The following CCDC171 variants were observed in gnomAD, a reference collection of about 807,000 sequenced individuals.
The protein encoded by CCDC171 is coiled-coil domain containing 171, also known as coiled-coil domain-containing protein 171.
Under a neutral mutation model 168.2 loss-of-function variants are expected in CCDC171, and 177 were observed. The observed-to-expected ratio is 1.05, with a 90% CI of 0.93 to 1.19. The LOEUF (loss-of-function observed/expected upper bound fraction) is 1.19. CCDC171 is among the 50% of genes most tolerant of loss of function. The pLI, the probability that CCDC171 is intolerant of heterozygous loss-of-function variation, is 0.00. For synonymous variants in CCDC171, 687 were observed against 540.8 expected, an observed-to-expected ratio of 1.27 and a Z score of -3.75; for missense variants, 1,991 against 1,539.0, an observed-to-expected ratio of 1.29 and a Z score of -4.91.
intron 10 of CCDC171, among the ~76,000 whole-genome samples, chr9:15,691,541 GTTTTTTATATATATATATATAT>G (rs1360634879): frequency 1.7e-4 from 19 of 114,836 alleles, no homozygotes; most frequent in Non-Finnish European, 2.2e-4. Flanking sequence ...GTAAATATAT[GTTTTTTATATATATATATATAT>G]ATATATATGT....
intron 3 of CCDC171, among the ~76,000 whole-genome samples, chr9:16,010,942 C>T (rs960807530): frequency 4.6e-5 from 7 of 152,046 alleles, no homozygotes; most frequent in Admixed American, 2.0e-4. Flanking sequence ...GAGCCTGATT[C>T]GCTCCTGAGT....
chr9:15,667,563 C>G (rs924824192), intron 9 of CCDC171, among the ~76,000 whole-genome samples: 2 of 152,014 alleles, frequency 1.3e-5, no homozygotes, highest in African/African-American at 4.8e-5. Flanking sequence ...GAAGAATCAC[C>G]TGAACCCGGG....
chr9:15,928,051 A>T (rs1260511724), intron 25 of CCDC171, among the ~76,000 whole-genome samples: 1 of 151,626 alleles, frequency 6.6e-6, no homozygotes, highest in African/African-American at 2.4e-5. Context: ...CTGGAGTTCA[A>T]CTCCCTGGCT....
intron 7 of CCDC171, among the ~76,000 whole-genome samples, chr9:15,632,470 T>C (rs1377265191): frequency 6.6e-6 from 1 of 152,056 alleles, no homozygotes; most frequent in African/African-American, 2.4e-5. Context: ...ACAAGGGATG[T>C]GAAGGACCTC....
intron 21 of CCDC171, among the ~76,000 whole-genome samples, chr9:15,809,337 A>G (rs1357911018): frequency 6.6e-6 from 1 of 152,236 alleles, no homozygotes; most frequent in Admixed American, 6.5e-5. Flanking sequence ...TGAAATTTAA[A>G]TTAAAATGAA....
intron 9 of CCDC171, among the ~76,000 whole-genome samples, chr9:15,674,675 T>G (rs1321150022): frequency 6.6e-6 from 1 of 152,210 alleles, no homozygotes; most frequent in South Asian, 2.1e-4. Flanking sequence ...CAGTTTTGAG[T>G]GAGTTTCTTA....
At chr9:15,608,400 C>A (rs2043376641) in intron 6 of CCDC171, among the ~76,000 whole-genome samples, 1 of 152,162 alleles carries the variant, frequency 6.6e-6, no homozygotes, top group African/African-American at 2.4e-5. Context: ...AAAATATGTG[C>A]CAAATTGTTC....
At chr9:16,106,092 C>T in the CCDC171 span, among the ~76,000 whole-genome samples, 1 of 152,124 alleles carries the variant, frequency 6.6e-6, no homozygotes, top group Admixed American at 6.5e-5. Flanking sequence ...TGAGGTGGCC[C>T]CTGCCCAGCA....
intron 23 of CCDC171, among the ~76,000 whole-genome samples, chr9:15,870,607 C>T (rs941430698): frequency 4.0e-5 from 6 of 151,570 alleles, no homozygotes; most frequent in African/African-American, 1.5e-4. Flanking sequence ...TTGAGGTCTT[C>T]TGGCTTGGTA....
intron 6 of CCDC171, among the ~76,000 whole-genome samples, chr9:15,611,778 A>C (rs1350017336): frequency 1.3e-5 from 2 of 152,110 alleles, no homozygotes; most frequent in Non-Finnish European, 2.9e-5. Context: ...CTGGTTATAG[A>C]GGCTTCCAAC....
intron 24 of CCDC171, among the ~76,000 whole-genome samples, chr9:15,903,092 T>C (rs1821952051): frequency 6.6e-6 from 1 of 152,174 alleles, no homozygotes; most frequent in Non-Finnish European, 1.5e-5. Context: ...CTCTGTAGAC[T>C]CCACCTCTGG....
chr9:15,891,346 G>A (rs1161794804), intron 24 of CCDC171, among the ~76,000 whole-genome samples: 1 of 152,080 alleles, frequency 6.6e-6, no homozygotes, highest in African/African-American at 2.4e-5. Flanking sequence ...AACCCTGCAA[G>A]CTATTTATTT....
chr9:15,676,373 C>T (rs1050456526), intron 9 of CCDC171, among the ~76,000 whole-genome samples: 1 of 152,094 alleles, frequency 6.6e-6, no homozygotes, highest in African/African-American at 2.4e-5. Context: ...AACCCTACTT[C>T]TGTCAACTCG....
At chr9:15,728,195 A>G (rs945666428) in intron 15 of CCDC171, among the ~76,000 whole-genome samples, 159 bp downstream of exon 15, 4 of 152,172 alleles carry the variant, frequency 2.6e-5, no homozygotes, top group South Asian at 4.1e-4. Context: ...ACTCAGTTTG[A>G]TGCCATTGCT....
intron 24 of CCDC171, among the ~76,000 whole-genome samples, chr9:15,901,310 A>C (rs533399771): frequency 6.6e-6 from 1 of 152,268 alleles, no homozygotes; most frequent in Admixed American, 6.5e-5. Context: ...AGAATGTCCA[A>C]CACCAATAGC....
At chr9:15,835,581 C>T (rs916301400) in intron 21 of CCDC171, among the ~76,000 whole-genome samples, 3 of 152,066 alleles carry the variant, frequency 2.0e-5, no homozygotes, top group Non-Finnish European at 4.4e-5. Flanking sequence ...GTGTGCGCTA[C>T]CACACCTGGC....
At chr9:16,049,723 A>G (rs1833720195) in intron 1 of CCDC171, among the ~76,000 whole-genome samples, 1 of 152,064 alleles carries the variant, frequency 6.6e-6, no homozygotes, top group Non-Finnish European at 1.5e-5. Flanking sequence ...CAGCTTGCAG[A>G]TGGCCTGTCA....
chr9:15,950,175 A>G (rs1164033806), intron 25 of CCDC171, among the ~76,000 whole-genome samples: 1 of 152,156 alleles, frequency 6.6e-6, no homozygotes, highest in Non-Finnish European at 1.5e-5. Flanking sequence ...TGACGGGGAG[A>G]ATGGAACCAA....
At chr9:15,985,600 A>C (rs775681783) in intron 3 of CCDC171, among the ~76,000 whole-genome samples, 10 of 152,236 alleles carry the variant, frequency 6.6e-5, no homozygotes, top group Non-Finnish European at 1.2e-4. Flanking sequence ...ATTAGGCAGC[A>C]ATGGAATGGC....
Sources: gnomAD v4.1 joint callset for allele counts (sites outside exome capture counted in the v4.1 genomes callset) on GRCh38, gnomAD v4.1.1 for gene constraint, MANE v1.5 for transcripts, NCBI Gene and HGNC (gene_info 2026-07-23, HGNC 2026-07-21) for gene names.